The following LIFR variants were observed in gnomAD, a reference collection of about 807,000 sequenced individuals.
The protein encoded by LIFR is leukemia inhibitory factor receptor.
LIFR carries 84 observed loss-of-function variants against 122.2 expected under a neutral mutation model. The observed-to-expected ratio is 0.69, with a 90% confidence interval of 0.58 to 0.82. The LOEUF is 0.82. Among genes scored for constraint, LIFR ranks in the 40% least tolerant of loss-of-function variants. LIFR has a pLI of 0.00. For missense variants in LIFR, 1,294 were observed against 1,311.6 expected, an observed-to-expected ratio of 0.99 and a Z score of 0.21; for synonymous variants, 422 against 434.7, an observed-to-expected ratio of 0.97 and a Z score of 0.36.
chr5:38,566,839 T>C (rs1263811123), intron 1 of LIFR, among the ~76,000 whole-genome samples: 1 of 152,160 alleles, frequency 6.6e-6, no homozygotes, highest in Non-Finnish European at 1.5e-5. Context: ...AGTGATTCAT[T>C]GGTAAGTGTT....
rs570413756 is a variant in LIFR, at chr5:38,556,035, A to T, written c.-20+299T>A. 1.5e-4 allele frequency among the ~76,000 whole-genome samples: 23 copies of T among 152,328 alleles called. No homozygotes were observed. In the South Asian group the frequency reaches 3.9e-3, roughly 26 times the overall value. On this transcript the variant is annotated intron_variant, in intron 1 of 19. Coordinates refer to ENST00000453190, the MANE Select transcript of LIFR (RefSeq NM_001127671.2). ...ATCACCTGGCAGGTCACCTCTCCGA[A>T]GGAAAAACATTTCAAGCTCCCTCCC...
chr5:38,508,578 TTTTC>T (rs1218584316), intron 7 of LIFR, among the ~76,000 whole-genome samples: 1 of 151,404 alleles, frequency 6.6e-6, no homozygotes, highest in Non-Finnish European at 1.5e-5. Context: ...ATAAATTTCT[TTTTC>T]TTTTTTTTTT....
At chr5:38,512,199 T>C (rs1156810392) in intron 5 of LIFR, among the ~76,000 whole-genome samples, 1 of 152,218 alleles carries the variant, frequency 6.6e-6, no homozygotes, top group East Asian at 1.9e-4. Flanking sequence ...TGCTATTCAT[T>C]GAAACATTCA....
At chr5:38,599,580 G>A (rs1246018789), upstream of LIFR, among the ~76,000 whole-genome samples, 2 of 152,102 alleles carry the variant, frequency 1.3e-5, no homozygotes, top group Non-Finnish European at 2.9e-5. Flanking sequence ...AGTGTGGAGT[G>A]GAAACACGGC....
At chr5:38,522,951 A>G (rs1426952907) in intron 5 of LIFR, among the ~76,000 whole-genome samples, 3 of 152,194 alleles carry the variant, frequency 2.0e-5, no homozygotes, top group African/African-American at 4.8e-5. Context: ...GGCCATTCAT[A>G]AACAGGAATG....
chr5:38,481,698 T>C lies in LIFR; in HGVS notation c.3191A>G (p.Asn1064Ser). 1 of 1,614,146 alleles carries C rather than the reference T, an allele frequency of 6.2e-7. No individual in the cohort carries two copies. The change falls in exon 20 of 20, where the codon AAT becomes AGT. Residue 1064 changes from asparagine (N) to serine (S), a missense_variant. Physicochemically the swap from Asn to Ser is conservative, Grantham distance 46. Coordinates refer to ENST00000453190, the MANE Select transcript of LIFR (RefSeq NM_001127671.2). ...IVSFGSPCSI[N>S]SRQFLIPPKD... ...AGGAGGAATCAAAAATTGTCGGGAATTAATGGAGCATGGACTTCCAAATGA... is the reference window on the plus strand; with the variant it reads ...AGGAGGAATCAAAAATTGTCGGGAACTAATGGAGCATGGACTTCCAAATGA...
chr5:38,510,667 A>T lies in LIFR; in HGVS notation c.788T>A (p.Val263Glu), dbSNP rs769426755. The change falls in exon 7 of 20, where the codon GTA becomes GAA. Residue 263 changes from valine (V) to glutamate (E), a missense_variant. By Grantham distance (121) the Val-to-Glu change is moderately radical. Coordinates refer to ENST00000453190, the MANE Select transcript of LIFR (RefSeq NM_001127671.2). ...ACAACAAAATGTTATGTCTGAGCCT[A>T]CAAGTATCACTTTATCTTGAGGAAA... is the stretch of plus-strand genomic sequence containing the variant. ...KVFPQDKVIL[V>E]GSDITFCCVS... is the part of the protein sequence containing the mutation. 2.5e-6 allele frequency: 4 copies of T among 1,613,720 alleles called. No individual in the cohort carries two copies. The highest frequency in any genetic ancestry group is 1.7e-5 in the Admixed American group (1 of 60,010).
rs777932726 is a variant in LIFR at position 38,489,193 on chromosome 5, T to C, written c.2220A>G (p.Ile740Met). 2 of 1,613,192 alleles carry C rather than the reference T, an allele frequency of 1.2e-6. No homozygotes were observed. Among genetic ancestry groups the C allele is most frequent in the East Asian group, 2.2e-5 (1 of 44,764 alleles). The change falls in exon 16 of 20, where the codon ATA becomes ATG. Residue 740 changes from isoleucine (I) to methionine (M), a missense_variant. Coordinates refer to ENST00000453190, the MANE Select transcript of LIFR (RefSeq NM_001127671.2). Reference protein sequence around the residue: ...FTVEDTSADSILVKWEDIPVE... With the variant: ...FTVEDTSADSMLVKWEDIPVE... ...CAGGAATGTCTTCCCATTTTACTAA[T>C]ATCGAATCTGCAGAAGTATCCTCAA... is the stretch of plus-strand genomic sequence containing the variant.
At chr5:38,538,194 T>C (rs1406216934) in intron 1 of LIFR, among the ~76,000 whole-genome samples, 2 of 152,362 alleles carry the variant, frequency 1.3e-5, no homozygotes, top group East Asian at 1.9e-4. Context: ...TGACTTGAGA[T>C]GCCATTCAGA....
At chr5:38,587,520 C>T (rs1190163491) in intron 1 of LIFR, among the ~76,000 whole-genome samples, 1 of 150,792 alleles carries the variant, frequency 6.6e-6, no homozygotes, top group Non-Finnish European at 1.5e-5. Flanking sequence ...GCTAACAGAA[C>T]TAGCAAGAGA....
In LIFR at chr5:38,476,617, AT is replaced by A; in HGVS notation, c.*4977del. On this transcript the variant is annotated 3_prime_UTR_variant, in exon 20 of 20. Transcript: ENST00000453190. Reference sequence around the variant, plus strand: ...AAATCAACTTTCTTATCAATTAGACATTTTCCCCACTCACATCTCTTAGTTT... The same window carrying A: ...AAATCAACTTTCTTATCAATTAGACATTTCCCCACTCACATCTCTTAGTTT... 1 of 205,660 alleles carries A rather than the reference AT, an allele frequency of 4.9e-6. No individual in the cohort carries two copies. The highest frequency in any genetic ancestry group is 9.9e-6 in the Non-Finnish European group (1 of 100,660). The allele number at this position is 205,660 out of a possible 1,614,324, so 12.7% of individuals were successfully genotyped here.
rs764889876 is a variant in LIFR, at chr5:38,510,560, T to G, written c.895A>C (p.Ile299Leu). ...GAAACAGAAATATTACGAATCTTGATTGCAACATTTTCCCCATCAAGATGG... is the reference window on the plus strand; with the variant it reads ...GAAACAGAAATATTACGAATCTTGAGTGCAACATTTTCCCCATCAAGATGG... Reference protein sequence around the residue: ...LIHLDGENVAIKIRNISVSAS... With the variant: ...LIHLDGENVALKIRNISVSAS... Residue 299 changes from isoleucine to leucine, a missense_variant, in exon 7 of 20, where the codon ATC becomes CTC. Transcript: ENST00000453190. 9 of 1,613,922 alleles carry G rather than the reference T, an allele frequency of 5.6e-6. No individual in the cohort carries two copies. The highest frequency in any genetic ancestry group is 2.7e-5 in the African/African-American group (2 of 74,922).
chr5:38,545,775 T>C (rs1747851516), intron 1 of LIFR, among the ~76,000 whole-genome samples: 1 of 147,114 alleles, frequency 6.8e-6, no homozygotes, highest in African/African-American at 2.5e-5. Flanking sequence ...GGCAGGAGAA[T>C]GGCGTGAACC....
rs746714097 is a variant in LIFR at position 38,585,283 on chromosome 5, C to A, written c.-20+9978G>T. 6.4e-4 allele frequency among the ~76,000 whole-genome samples: 97 copies of A among 152,262 alleles called. 1 individual carries two copies. Among genetic ancestry groups the A allele is most frequent in the Middle Eastern group, 6.8e-3 (2 of 294 alleles). On this transcript the variant is annotated intron_variant, in intron 1 of 19. Coordinates refer to the LIFR transcript ENST00000263409. Reference sequence around the variant, plus strand: ...TTAATTAGCTCAAAGATGAAAATTTCAGTTTTAGTAACTGTAATACATGTT... The same window carrying A: ...TTAATTAGCTCAAAGATGAAAATTTAAGTTTTAGTAACTGTAATACATGTT...
intron 1 of LIFR, among the ~76,000 whole-genome samples, chr5:38,578,514 T>G (rs1749472608): frequency 6.6e-6 from 1 of 151,504 alleles, no homozygotes; most frequent in African/African-American, 2.4e-5. Context: ...CCAAGACTAC[T>G]CATTTTTGAT....
At chr5:38,526,492 C>A (rs958805114) in intron 4 of LIFR, among the ~76,000 whole-genome samples, 6 of 151,362 alleles carry the variant, frequency 4.0e-5, no homozygotes, top group African/African-American at 1.2e-4. Context: ...TAGAAAGCAT[C>A]TTTAGATCCA....
intron 1 of LIFR, among the ~76,000 whole-genome samples, chr5:38,580,783 G>A (rs1749554948): frequency 6.6e-6 from 1 of 152,078 alleles, no homozygotes; most frequent in Non-Finnish European, 1.5e-5. Context: ...CATTATCTGT[G>A]GCTCCTCCAT....
In LIFR at chr5:38,550,491, T is replaced by C. The variant is rs114820414; in HGVS notation, c.-20+5843A>G. 8.9e-4 allele frequency among the ~76,000 whole-genome samples: 136 copies of C among 152,336 alleles called. 1 individual carries two copies. Among genetic ancestry groups the C allele is most frequent in the African/African-American group, 3.1e-3 (128 of 41,580 alleles). On this transcript the variant is annotated intron_variant, in intron 1 of 19. Transcript: ENST00000453190. ...GTAAAACACTGCACCTTCGTTTGCC[T>C]GTCTGGCTTAAGAGTTTGGGTTTTA...
chr5:38,487,770 T>C (rs532447486), intron 16 of LIFR, among the ~76,000 whole-genome samples: 1 of 152,288 alleles, frequency 6.6e-6, no homozygotes, highest in African/African-American at 2.4e-5. Flanking sequence ...GATCTGCTTG[T>C]AGTTAGGCCC....
Sources: gnomAD v4.1 joint callset for allele counts (sites outside exome capture counted in the v4.1 genomes callset) on GRCh38, gnomAD v4.1.1 for gene constraint, MANE v1.5 for transcripts, NCBI Gene and HGNC (gene_info 2026-07-23, HGNC 2026-07-21) for gene names.